GNAL: variants seen among roughly 807,000 people sequenced by gnomAD.
GNAL encodes the protein G protein subunit alpha L.
GNAL carries 18 observed loss-of-function variants against 55.1 expected under a neutral mutation model. The ratio of observed to expected loss-of-function variants is 0.33; its 90% CI spans 0.23 to 0.48. The LOEUF is 0.48. GNAL is among the 20% of genes least tolerant of loss of function. GNAL has a pLI of 0.99. For synonymous variants in GNAL, 253 were observed against 237.0 expected (o/e 1.07, Z -0.62); for missense variants, 412 against 614.1 (o/e 0.67, Z 3.48).
chr18:11,703,795 GCACACACACACA>G (rs35455680), intron 1 of GNAL, among the ~76,000 whole-genome samples: 189 of 141,496 alleles, frequency 1.3e-3, no homozygotes, highest in African/African-American at 4.2e-3. Flanking sequence ...GTGTTGATGG[GCACACACACACA>G]CACACACACA....
intron 4 of GNAL, among the ~76,000 whole-genome samples, chr18:11,788,154 A>G (rs925881070): frequency 3.9e-5 from 6 of 152,196 alleles, no homozygotes; most frequent in Non-Finnish European, 8.8e-5. Context: ...GTTATTCCCA[A>G]GTTGTGCTGT....
chr18:11,810,740 C>T (rs545919850), intron 4 of GNAL: 2 of 152,540 alleles, frequency 1.3e-5, no homozygotes, highest in East Asian at 3.9e-4. Flanking sequence ...CCCTTTTCTT[C>T]CCTGTGGCAT....
intron 4 of GNAL, among the ~76,000 whole-genome samples, chr18:11,761,369 C>T (rs1036247198): frequency 2.0e-5 from 3 of 152,200 alleles, no homozygotes; most frequent in Non-Finnish European, 4.4e-5. Flanking sequence ...TCTCAGAGCA[C>T]AGGTTCTCAT....
intron 4 of GNAL, among the ~76,000 whole-genome samples, chr18:11,819,960 T>C (rs923507521): frequency 2.7e-5 from 4 of 148,550 alleles, no homozygotes; most frequent in Non-Finnish European, 6.0e-5. Flanking sequence ...GTGGAACTTA[T>C]AAAAAAAAAA....
chr18:11,722,286 T>A lies in GNAL; in HGVS notation c.377-30567T>A, dbSNP rs1230644558. ...GCTAACAAATGAGCCACTCAGAAAC[T>A]TAACTGGGGTAAAGAAAATTCTGCT... is the stretch of plus-strand genomic sequence containing the variant. On this transcript the variant is annotated intron_variant, in intron 1 of 11. Transcript: ENST00000334049. Among the ~76,000 whole-genome samples, 6 of 152,226 alleles carry A rather than the reference T, an allele frequency of 3.9e-5. No individual in the cohort carries two copies. In the East Asian group the frequency reaches 1.2e-3, roughly 29 times the overall value.
chr18:11,822,127 G>A (rs1333206510), intron 4 of GNAL, among the ~76,000 whole-genome samples: 2 of 152,214 alleles, frequency 1.3e-5, no homozygotes, highest in East Asian at 3.9e-4. Flanking sequence ...AGAGGCCCAG[G>A]GGCTTAGCGC....
chr18:11,736,351 C>T (rs945493172), intron 1 of GNAL, among the ~76,000 whole-genome samples: 3 of 152,180 alleles, frequency 2.0e-5, no homozygotes, highest in Non-Finnish European at 2.9e-5. Flanking sequence ...GCTATGATCA[C>T]ACCACTGCGT....
intron 4 of GNAL, among the ~76,000 whole-genome samples, chr18:11,786,510 G>T (rs998503338): frequency 7.6e-6 from 1 of 131,668 alleles, no homozygotes; most frequent in Non-Finnish European, 1.6e-5. Flanking sequence ...GTGCAGTGGC[G>T]CTGTCTCAGC....
intron 6 of GNAL, among the ~76,000 whole-genome samples, chr18:11,863,895 G>A (rs529113021): frequency 1.1e-4 from 17 of 152,164 alleles, no homozygotes; most frequent in Non-Finnish European, 2.2e-4. Flanking sequence ...AGCCAACAGA[G>A]CACCAGCAGG....
chr18:11,691,482 A>G lies in GNAL; in HGVS notation c.376+1543A>G, dbSNP rs375300029. 4.7e-5 allele frequency among the ~76,000 whole-genome samples: 7 copies of G among 149,640 alleles called. No individual in the cohort carries two copies. In the East Asian group the frequency reaches 7.7e-4, roughly 17 times the overall value. ...TAGTTTAATTAGATCCCATTTGTCA[A>G]TTTTGGCTTTTGTTGCCATTGCTTT... On this transcript the variant is annotated intron_variant, in intron 1 of 11. Coordinates refer to ENST00000334049, the MANE Select transcript of GNAL (RefSeq NM_182978.4).
rs1320754095 is a variant in GNAL, at chr18:11,877,052, T to C, written c.1230+364T>C. Among the ~76,000 whole-genome samples, 3 of 152,212 alleles carry C rather than the reference T, an allele frequency of 2.0e-5. No homozygotes were observed. The East Asian group carries it at 5.8e-4, about 29-fold the overall frequency. ...TCCAAAAGCACTAACAGGCTGATGG[T>C]TTATGTAAAAATGGATGTGCTCAAA... On this transcript the variant is annotated intron_variant, in intron 11 of 11. Coordinates refer to ENST00000334049, the MANE Select transcript of GNAL (RefSeq NM_182978.4).
chr18:11,745,279 C>G (rs536558138), intron 1 of GNAL, among the ~76,000 whole-genome samples: 35 of 152,206 alleles, frequency 2.3e-4, no homozygotes, highest in African/African-American at 7.9e-4. Flanking sequence ...AATTAAATTT[C>G]TGCAGGGGTG....
chr18:11,851,783 C>G, intron 5 of GNAL: 2 of 1,613,968 alleles, frequency 1.2e-6, no homozygotes, highest in Non-Finnish European at 1.7e-6. Flanking sequence ...GTGACCAAGT[C>G]GATGGCTGGT....
intron 11 of GNAL, among the ~76,000 whole-genome samples, chr18:11,877,263 G>C (rs1448087617): frequency 1.3e-5 from 2 of 152,138 alleles, no homozygotes; most frequent in African/African-American, 4.8e-5. Context: ...AGACTAGCCT[G>C]GCCAACATGG....
rs554706314 is a variant in GNAL, at chr18:11,819,970, AGTT to A, written c.625-4947_625-4945del. Among the ~76,000 whole-genome samples the A allele has an allele frequency of 1.6e-4, 25 of 152,202 alleles. No individual in the cohort carries two copies. The South Asian group carries it at 1.7e-3, about 10-fold the overall frequency. ...AAGAAGTGGAACTTATAAAAAAAAA[AGTT>A]AGAGTTGGGAGCTTATATACCATTT... On this transcript the variant is annotated intron_variant, in intron 4 of 11. Coordinates refer to ENST00000334049, the MANE Select transcript of GNAL (RefSeq NM_182978.4).
At chr18:11,791,615 C>CA (rs1208777025) in intron 4 of GNAL, among the ~76,000 whole-genome samples, 1 of 152,112 alleles carries the variant, frequency 6.6e-6, no homozygotes, top group South Asian at 2.1e-4. Flanking sequence ...TAAACACACA[C>CA]AAAAAATTAA....
chr18:11,747,381 T>G (rs1236664647), intron 1 of GNAL: 1 of 175,842 alleles, frequency 5.7e-6, no homozygotes, highest in African/African-American at 2.4e-5. Flanking sequence ...GAAGACGCAA[T>G]GACAGCAAAT....
chr18:11,851,615 A>G, intron 5 of GNAL: 3 of 1,613,936 alleles, frequency 1.9e-6, no homozygotes, highest in Non-Finnish European at 2.5e-6. Context: ...GAAAAGGCCA[A>G]AATTAAAAAG....
chr18:11,867,134 C>T, intron 7 of GNAL, 34 bp from the exon 8 acceptor site: 2 of 1,560,874 alleles, frequency 1.3e-6, no homozygotes, highest in Non-Finnish European at 1.8e-6. Context: ...CCCTGCTTCC[C>T]CCAAATAATT....
Sources: allele counts gnomAD v4.1 joint callset (sites outside exome capture counted in the v4.1 genomes callset), GRCh38; gene constraint gnomAD v4.1.1; transcripts MANE v1.5; gene names NCBI Gene and HGNC (gene_info 2026-07-23, HGNC 2026-07-21).